The following RALB variants were observed in gnomAD, a reference collection of about 807,000 sequenced individuals.
RALB encodes RAS like proto-oncogene B.
In RALB, 16 loss-of-function variants were observed where a neutral mutation model predicts 21.3. That is an observed-to-expected ratio of 0.75 (90% CI 0.51 to 1.14). The LOEUF (loss-of-function observed/expected upper bound fraction) is 1.14, where lower values mean the gene tolerates loss of function less well. RALB is among the 50% of genes most tolerant of loss of function. RALB has a pLI of 0.00. For synonymous variants in RALB, 93 were observed against 96.1 expected (o/e 0.97, Z 0.19); for missense variants, 161 against 256.2 (o/e 0.63, Z 2.54).
chr2:120,268,813 GAA>G (rs1442671146), intron 1 of RALB, among the ~76,000 whole-genome samples: 1 of 152,142 alleles, frequency 6.6e-6, no homozygotes, highest in Non-Finnish European at 1.5e-5. Flanking sequence ...GAGCAGGAGT[GAA>G]AGTTTATCAG....
At chr2:120,269,131 G>A (rs748572530) in intron 1 of RALB, among the ~76,000 whole-genome samples, 29 of 152,084 alleles carry the variant, frequency 1.9e-4, no homozygotes, top group Non-Finnish European at 3.4e-4. Context: ...TGTTCCTTCC[G>A]TGGGTTCATC....
At chr2:120,267,535 C>T (rs188275022) in intron 1 of RALB, among the ~76,000 whole-genome samples, 5 of 152,172 alleles carry the variant, frequency 3.3e-5, no homozygotes, top group Admixed American at 6.5e-5. Context: ...GGTATGAGAT[C>T]GGGAGGGCTG....
chr2:120,266,852 A>G (rs1689516336), intron 1 of RALB, among the ~76,000 whole-genome samples: 1 of 152,238 alleles, frequency 6.6e-6, no homozygotes, highest in African/African-American at 2.4e-5. Context: ...CACTGGGCAC[A>G]CAAAGATGAA....
In RALB at chr2:120,294,427, T is replaced by G. The variant is rs1012573800; in HGVS notation, c.*1167T>G. 1.1e-4 allele frequency: 43 copies of G among 397,062 alleles called. No individual in the cohort carries two copies. The highest frequency in any genetic ancestry group is 2.2e-4 in the Admixed American group (5 of 22,712). 24.6% of individuals were successfully genotyped at this position (397,062 alleles called of 1,614,324 possible). On this transcript the variant is annotated 3_prime_UTR_variant, in exon 5 of 5. Coordinates refer to ENST00000272519, the MANE Select transcript of RALB (RefSeq NM_002881.3). ...AAGATTTTCATTGATGACATATCTTTAAACTTTCTTGCATCAGTATTCTAA... is the reference window on the plus strand; with the variant it reads ...AAGATTTTCATTGATGACATATCTTGAAACTTTCTTGCATCAGTATTCTAA...
intron 1 of RALB, among the ~76,000 whole-genome samples, chr2:120,268,270 G>C (rs1158173398): frequency 6.6e-6 from 1 of 152,052 alleles, no homozygotes; most frequent in Non-Finnish European, 1.5e-5. Flanking sequence ...AGGGCCCTGT[G>C]TCCAGTTGCT....
intron 1 of RALB, chr2:120,253,619 C>T (rs1415051516): frequency 1.0e-6 from 1 of 985,332 alleles, no homozygotes. Context: ...TAACCGTGCT[C>T]GGTGCAGGGT....
At chr2:120,292,470 G>A (rs1451569367) in intron 4 of RALB, among the ~76,000 whole-genome samples, 3 of 152,156 alleles carry the variant, frequency 2.0e-5, no homozygotes. Context: ...TCAGATGCAG[G>A]GGTGTCAAGA....
chr2:120,279,620 CT>C (rs1689933974), intron 2 of RALB, among the ~76,000 whole-genome samples: 1 of 152,100 alleles, frequency 6.6e-6, no homozygotes, highest in East Asian at 1.9e-4. Context: ...AAGTAAAGGA[CT>C]TGAGCATCTG....
At chr2:120,267,156 A>G (rs1689524976) in intron 1 of RALB, among the ~76,000 whole-genome samples, 1 of 152,162 alleles carries the variant, frequency 6.6e-6, no homozygotes. Flanking sequence ...AAAGCCTTCT[A>G]GTTTTTGTTT....
At chr2:120,243,024 A>G (rs1688918671) in intron 1 of RALB, among the ~76,000 whole-genome samples, 2 of 152,108 alleles carry the variant, frequency 1.3e-5, no homozygotes, top group Non-Finnish European at 2.9e-5. Context: ...CTTTCCATCA[A>G]CCTCTGTGAG....
rs1031935854 is a variant in RALB, at chr2:120,293,355, A to G, written c.*95A>G. 4 of 1,266,046 alleles carry G rather than the reference A, an allele frequency of 3.2e-6. No homozygotes were observed. In the African/African-American group the frequency reaches 4.7e-5, roughly 15 times the overall value. The allele number at this position is 1,266,046 out of a possible 1,614,324, so 78.4% of individuals were successfully genotyped here. A position where few individuals can be genotyped will look rare whatever the true frequency, so the allele number is the denominator to read the frequency against. ...GGTTGACTTCTTGCTTGTGCTTCCC[A>G]CTCTCCCCGACTTCATTCACTCAAA... On this transcript the variant is annotated 3_prime_UTR_variant, in exon 5 of 5. Transcript: ENST00000272519.
chr2:120,280,057 A>G (rs1293971974), intron 2 of RALB, among the ~76,000 whole-genome samples: 1 of 152,326 alleles, frequency 6.6e-6, no homozygotes, highest in South Asian at 2.1e-4. Context: ...TGTGAGGTGC[A>G]GGGCCAGGGG....
chr2:120,272,423 C>T (rs754568359), intron 1 of RALB, among the ~76,000 whole-genome samples: 7 of 152,058 alleles, frequency 4.6e-5, no homozygotes, highest in African/African-American at 1.4e-4. Context: ...TGAAATATAT[C>T]GGAAAATGAG....
intron 1 of RALB, among the ~76,000 whole-genome samples, chr2:120,261,963 A>T (rs1689376759): frequency 6.6e-6 from 1 of 152,212 alleles, no homozygotes; most frequent in Admixed American, 6.5e-5. Context: ...AATGTTAGAT[A>T]GAAGGAAAGA....
intron 1 of RALB, among the ~76,000 whole-genome samples, chr2:120,274,614 G>A (rs1211865295): frequency 6.6e-6 from 1 of 152,044 alleles, no homozygotes; most frequent in Non-Finnish European, 1.5e-5. Context: ...ATATAGGAAG[G>A]TATAGATAAA....
chr2:120,248,815 G>A (rs1689010829), upstream of RALB, among the ~76,000 whole-genome samples: 1 of 152,018 alleles, frequency 6.6e-6, no homozygotes. Context: ...GGCACCAGAG[G>A]TGTGCACCAC....
At chr2:120,277,249 GTGTA>G (rs1300381698) in intron 1 of RALB, among the ~76,000 whole-genome samples, 8 of 152,096 alleles carry the variant, frequency 5.3e-5, no homozygotes, top group Non-Finnish European at 8.8e-5. Flanking sequence ...GTGTGAGAAA[GTGTA>G]TGAGAGCATA....
intron 1 of RALB, among the ~76,000 whole-genome samples, chr2:120,244,608 C>T (rs747380576): frequency 1.3e-5 from 2 of 151,888 alleles, no homozygotes; most frequent in Non-Finnish European, 2.9e-5. Context: ...ACCCTTCTAG[C>T]CATTCCCTCA....
At chr2:120,268,837 A>C (rs1029079772) in intron 1 of RALB, among the ~76,000 whole-genome samples, 2 of 152,204 alleles carry the variant, frequency 1.3e-5, no homozygotes, top group African/African-American at 2.4e-5. Context: ...ATGCTTTAGA[A>C]CAGGAAGGAA....
Sources: allele counts gnomAD v4.1 joint callset (sites outside exome capture counted in the v4.1 genomes callset), GRCh38; gene constraint gnomAD v4.1.1; transcripts MANE v1.5; gene names NCBI Gene and HGNC (gene_info 2026-07-23, HGNC 2026-07-21).